MTMR14: variants seen among roughly 807,000 people sequenced by gnomAD.
The protein encoded by MTMR14 is myotubularin related protein 14, also known as phosphatidylinositol-3,5-bisphosphate 3-phosphatase MTMR14.
A neutral mutation model predicts 86.3 loss-of-function variants in MTMR14; 48 were observed. The observed-to-expected ratio is 0.56, with a 90% confidence interval of 0.44 to 0.71. The LOEUF (loss-of-function observed/expected upper bound fraction) is 0.71. Ranked by LOEUF, MTMR14 falls within the 30% of genes least tolerant of loss-of-function variation. MTMR14 has a pLI of 0.00. For missense variants in MTMR14, 780 were observed against 834.6 expected (o/e 0.93, Z 0.81); for synonymous variants, 366 against 326.1 (o/e 1.12, Z -1.32).
intron 3 of MTMR14, among the ~76,000 whole-genome samples, chr3:9,665,822 G>A (rs983477263): frequency 2.7e-5 from 4 of 149,704 alleles, no homozygotes; most frequent in South Asian, 2.1e-4. Flanking sequence ...TCCGCCTCCC[G>A]GGTTCATGCC....
rs528695067 is a variant in MTMR14, at chr3:9,661,914, C to G, written c.309-353C>G. 4.6e-5 allele frequency among the ~76,000 whole-genome samples: 7 copies of G among 151,974 alleles called. No individual in the cohort carries two copies. In the East Asian group the frequency reaches 1.4e-3, roughly 29 times the overall value. On this transcript the variant is annotated intron_variant, in intron 2 of 18. Transcript: ENST00000296003. ...CCAGCCTGGCCAACGTGGTGAAACC[C>G]CGTCTCTACCAAAAATAAAAAAATT...
chr3:9,697,346 G>A (rs899647496), intron 17 of MTMR14, among the ~76,000 whole-genome samples: 1 of 152,126 alleles, frequency 6.6e-6, no homozygotes, highest in Non-Finnish European at 1.5e-5. Context: ...CCTTCATTTG[G>A]GTGCTAGCCT....
chr3:9,696,521 CCTCTT>C (rs1342911739), intron 17 of MTMR14, among the ~76,000 whole-genome samples: 1 of 152,204 alleles, frequency 6.6e-6, no homozygotes, highest in African/African-American at 2.4e-5. Context: ...AAAACAGAAA[CCTCTT>C]CTCACACTGT....
At chr3:9,672,803 C>T (rs2048645826) in intron 7 of MTMR14, 45 bp downstream of exon 7, 1 of 1,577,094 alleles carries the variant, frequency 6.3e-7, no homozygotes, top group African/African-American at 1.3e-5. Flanking sequence ...GACTGGGGAC[C>T]TTGGGGGCCA....
At chr3:9,650,934 C>T (rs2047246377) in intron 1 of MTMR14, among the ~76,000 whole-genome samples, 1 of 151,868 alleles carries the variant, frequency 6.6e-6, no homozygotes, top group Non-Finnish European at 1.5e-5. Flanking sequence ...GATTACAGGA[C>T]CCCACCACCA....
At chr3:9,687,548 C>T (rs1417263637) in intron 13 of MTMR14, among the ~76,000 whole-genome samples, 6 of 150,322 alleles carry the variant, frequency 4.0e-5, no homozygotes, top group African/African-American at 1.2e-4. Flanking sequence ...GAGCGAGACT[C>T]TGTCTCAAAT....
At chr3:9,675,924 G>T (rs919055118) in intron 7 of MTMR14, among the ~76,000 whole-genome samples, 2 of 152,196 alleles carry the variant, frequency 1.3e-5, no homozygotes, top group Non-Finnish European at 1.5e-5. Context: ...AGGCTCCCAA[G>T]AATAGGCTAA....
chr3:9,675,654 G>C (rs562811826), intron 7 of MTMR14: 1 of 457,362 alleles, frequency 2.2e-6, no homozygotes, highest in South Asian at 1.5e-5. Context: ...CCTGACAGTG[G>C]TTCCGAAGCC....
intron 9 of MTMR14, among the ~76,000 whole-genome samples, chr3:9,681,387 T>C (rs1395273970): frequency 1.3e-5 from 2 of 152,194 alleles, no homozygotes; most frequent in Non-Finnish European, 2.9e-5. Flanking sequence ...TCCTAGTCCC[T>C]GAACACTAAG....
intron 18 of MTMR14, among the ~76,000 whole-genome samples, chr3:9,698,829 C>A (rs866817789): frequency 3.3e-5 from 5 of 152,016 alleles, no homozygotes; most frequent in African/African-American, 1.2e-4. Flanking sequence ...CTGCAGCCAG[C>A]CCCTAGGCTA....
At chr3:9,659,837 C>G (rs1358292848) in intron 2 of MTMR14, 1 of 456,632 alleles carries the variant, frequency 2.2e-6, no homozygotes, top group Admixed American at 2.3e-5. Context: ...AAGATCCTCC[C>G]TAGAGGAAAA....
At chr3:9,650,350 G>C (rs1420553590) in intron 1 of MTMR14, 5 of 456,706 alleles carry the variant, frequency 1.1e-5, no homozygotes, top group South Asian at 7.7e-5. Context: ...CAGACCTGGA[G>C]GGCTTCCTGT....
Position 9,702,065 on chromosome 3 carries a change from G to A in MTMR14, c.*92G>A. 6.5e-7 allele frequency: 1 copy of A among 1,541,854 alleles called. No individual in the cohort carries two copies. The highest frequency in any genetic ancestry group is 1.7e-5 in the Admixed American group (1 of 58,762). ...TGCCTGGCCGAAGGGGTACTTCCAG[G>A]TCAGGGGAAATTTCAGTCCCCCATC... On this transcript the variant is annotated 3_prime_UTR_variant, in exon 19 of 19. Coordinates refer to ENST00000296003, the MANE Select transcript of MTMR14 (RefSeq NM_001077525.3).
intron 9 of MTMR14, among the ~76,000 whole-genome samples, chr3:9,681,378 C>T (rs1342616334): frequency 2.0e-5 from 3 of 152,228 alleles, no homozygotes; most frequent in Non-Finnish European, 4.4e-5. Flanking sequence ...GCAATGACCT[C>T]CTAGTCCCTG....
intron 3 of MTMR14, among the ~76,000 whole-genome samples, chr3:9,667,115 A>G (rs2048297900): frequency 6.6e-6 from 1 of 152,262 alleles, no homozygotes; most frequent in Non-Finnish European, 1.5e-5. Flanking sequence ...AGAACTCAAC[A>G]GCCAAAAAGA....
At chr3:9,654,839 C>T (rs1481579707) in intron 2 of MTMR14, among the ~76,000 whole-genome samples, 8 of 152,190 alleles carry the variant, frequency 5.3e-5, no homozygotes, top group African/African-American at 2.4e-5. Context: ...CCAGGTGATT[C>T]GAATGCACTA....
rs1328621153 is a variant in MTMR14, at chr3:9,697,994, C to CT, written c.1769+129dup. Reference sequence around the variant, plus strand: ...GGCCTGGCCTCCTGCCCTCCCCTCTCTCAGCTGCTGGACCCGAGGTATGAA... The same window carrying CT: ...GGCCTGGCCTCCTGCCCTCCCCTCTCTTCAGCTGCTGGACCCGAGGTATGAA... On this transcript the variant is annotated intron_variant, in intron 18 of 18. Transcript: ENST00000296003. 2.4e-5 allele frequency: 32 copies of CT among 1,337,566 alleles called. No individual in the cohort carries two copies. In the Admixed American group the frequency reaches 2.7e-4, roughly 11 times the overall value. The allele number at this position is 1,337,566 out of a possible 1,614,324, so 82.9% of individuals were successfully genotyped here. A position where few individuals can be genotyped will look rare whatever the true frequency, so the allele number is the denominator to read the frequency against.
chr3:9,688,737 A>G lies in MTMR14; in HGVS notation c.1277A>G (p.Glu426Gly). 6.2e-7 allele frequency: 1 copy of G among 1,614,134 alleles called. No individual in the cohort carries two copies. Among genetic ancestry groups the G allele is most frequent in the East Asian group, 2.2e-5 (1 of 44,882 alleles). Reference protein sequence around the residue: ...LPARDGGFTLEDICMLRRKDR... With the variant: ...LPARDGGFTLGDICMLRRKDR... ...GCCCGGGATGGAGGCTTCACCCTGG[A>G]AGACATCTGCATGCTGAGTGAGTCC... is the stretch of plus-strand genomic sequence containing the variant. Residue 426 changes from glutamate to glycine, a missense_variant, in exon 15 of 19, where the codon GAA becomes GGA. Physicochemically the swap from Glu to Gly is moderately conservative, Grantham distance 98. Coordinates refer to ENST00000296003, the MANE Select transcript of MTMR14 (RefSeq NM_001077525.3).
At chr3:9,665,298 A>T (rs1358302431) in intron 3 of MTMR14, among the ~76,000 whole-genome samples, 1 of 151,834 alleles carries the variant, frequency 6.6e-6, no homozygotes, top group African/African-American at 2.4e-5. Context: ...AAAAAAAAAA[A>T]AGTCTCACGT....
Sources: allele counts gnomAD v4.1 joint callset (sites outside exome capture counted in the v4.1 genomes callset), GRCh38; gene constraint gnomAD v4.1.1; transcripts MANE v1.5; gene names NCBI Gene and HGNC (gene_info 2026-07-23, HGNC 2026-07-21).